The following DPYS variants were observed in gnomAD, a reference collection of about 807,000 sequenced individuals.
DPYS encodes dihydropyrimidinase.
Under a neutral mutation model 50.3 loss-of-function variants are expected in DPYS, and 39 were observed. The observed-to-expected ratio is 0.78, with a 90% CI of 0.60 to 1.01. The LOEUF is 1.01. DPYS is among the 50% of genes least tolerant of loss of function. The probability of loss-of-function intolerance (pLI) is 0.00; values close to 1 mark genes in which losing one functional copy is unlikely to be tolerated. For missense variants in DPYS, 659 were observed against 680.9 expected, an observed-to-expected ratio of 0.97 and a Z score of 0.36; for synonymous variants, 245 against 250.7, an observed-to-expected ratio of 0.98 and a Z score of 0.22.
intron 7 of DPYS, chr8:104,419,806 A>C: frequency 6.6e-6 from 1 of 152,238 alleles, no homozygotes; most frequent in Non-Finnish European, 1.5e-5. Context: ...CATGACCACT[A>C]AATGTAATAT....
chr8:104,384,860 C>T (rs145598054), intron 8 of DPYS, among the ~76,000 whole-genome samples: 118 of 152,330 alleles, frequency 7.7e-4, no homozygotes, highest in African/African-American at 2.7e-3. Context: ...TTTCTTTTCT[C>T]GCCTTCTGGG....
At chr8:104,387,397 G>A (rs1316214895) in intron 8 of DPYS, among the ~76,000 whole-genome samples, 2 of 152,208 alleles carry the variant, frequency 1.3e-5, no homozygotes. Context: ...AAGCTGGGCT[G>A]TCTCATTTCA....
chr8:104,416,423 C>A (rs1192875776), intron 7 of DPYS, among the ~76,000 whole-genome samples: 1 of 152,172 alleles, frequency 6.6e-6, no homozygotes, highest in Non-Finnish European at 1.5e-5. Context: ...CATGGTACAG[C>A]CCTGATATTG....
At chr8:104,458,432 C>T (rs191419307) in intron 1 of DPYS, among the ~76,000 whole-genome samples, 1 of 152,274 alleles carries the variant, frequency 6.6e-6, no homozygotes, top group African/African-American at 2.4e-5. Flanking sequence ...CATGTTCTTC[C>T]CTCCTCTACC....
intron 1 of DPYS, among the ~76,000 whole-genome samples, chr8:104,462,695 A>G (rs1814212557): frequency 6.6e-6 from 1 of 152,226 alleles, no homozygotes; most frequent in Admixed American, 6.5e-5. Flanking sequence ...AAAACTTGCC[A>G]AACTCTTATA....
chr8:104,454,388 A>G, intron 1 of DPYS, among the ~76,000 whole-genome samples: 1 of 152,196 alleles, frequency 6.6e-6, no homozygotes, highest in South Asian at 2.1e-4. Flanking sequence ...CTCCATCTCA[A>G]AACAAACAAA....
intron 3 of DPYS, 22 bp downstream of exon 3, chr8:104,447,302 G>T: frequency 6.2e-7 from 1 of 1,613,734 alleles, no homozygotes; most frequent in Non-Finnish European, 8.5e-7. Flanking sequence ...TTCTGTAGAA[G>T]CTTTGGAATG....
intron 4 of DPYS, among the ~76,000 whole-genome samples, chr8:104,438,631 A>C (rs1301564906): frequency 6.6e-6 from 1 of 152,202 alleles, no homozygotes; most frequent in Non-Finnish European, 1.5e-5. Flanking sequence ...ACCCTGTGAC[A>C]GTTCTAAATT....
intron 7 of DPYS, chr8:104,419,719 C>T (rs1422888111): frequency 6.6e-6 from 1 of 152,162 alleles, no homozygotes; most frequent in African/African-American, 2.4e-5. Context: ...AATACCTGAT[C>T]GATATTCCTC....
chr8:104,435,455 T>C (rs1813106070), intron 4 of DPYS, among the ~76,000 whole-genome samples: 1 of 151,844 alleles, frequency 6.6e-6, no homozygotes, highest in Admixed American at 6.6e-5. Flanking sequence ...TGAGAACTAA[T>C]CTAGTTTTAT....
chr8:104,379,842 AC>A lies in DPYS; in HGVS notation c.*15del. 2.2e-6 allele frequency: 1 copy of A among 456,444 alleles called. No individual in the cohort carries two copies. The highest frequency in any genetic ancestry group is 4.4e-6 in the Non-Finnish European group (1 of 226,936). 28.3% of individuals were successfully genotyped at this position (456,444 alleles called of 1,614,324 possible). ...CAGCCTCCTTTCCTCTGATTTTTTT[AC>A]CTTTGAAGAGAATGAAAGGAACTCA... On this transcript the variant is annotated splice_region_variant and 3_prime_UTR_variant, in exon 10 of 10. Transcript: ENST00000351513.
intron 8 of DPYS, among the ~76,000 whole-genome samples, chr8:104,390,273 C>A (rs917000049): frequency 7.8e-6 from 1 of 127,424 alleles, no homozygotes; most frequent in African/African-American, 4.1e-5. Context: ...GCCATCAGTG[C>A]CTCCAACTTA....
At chr8:104,405,110 C>T (rs1361643347) in intron 7 of DPYS, among the ~76,000 whole-genome samples, 2 of 152,226 alleles carry the variant, frequency 1.3e-5, no homozygotes, top group East Asian at 3.8e-4. Context: ...CTAAAAGTTG[C>T]AGTGGCAGAG....
At chr8:104,399,670 C>A (rs1262812768) in intron 7 of DPYS, among the ~76,000 whole-genome samples, 2 of 151,722 alleles carry the variant, frequency 1.3e-5, no homozygotes, top group Non-Finnish European at 2.9e-5. Flanking sequence ...GAGATTGAGA[C>A]CATCCTGGCT....
chr8:104,387,815 G>A (rs58596729), intron 8 of DPYS, among the ~76,000 whole-genome samples: 53,467 of 152,006 alleles, frequency 0.35, 12,311 homozygotes, highest in African/African-American at 0.65. Flanking sequence ...TGTCCTGTGT[G>A]TAGTGATGTG....
intron 7 of DPYS, among the ~76,000 whole-genome samples, chr8:104,415,199 A>C (rs1421475985): frequency 6.6e-6 from 1 of 152,246 alleles, no homozygotes; most frequent in Non-Finnish European, 1.5e-5. Context: ...AATGTCAAAG[A>C]TATAAAAACA....
At chr8:104,460,475 C>T (rs1359057831) in intron 1 of DPYS, among the ~76,000 whole-genome samples, 1 of 152,194 alleles carries the variant, frequency 6.6e-6, no homozygotes. Flanking sequence ...GCCTCCTGTA[C>T]AGCCTGTGAA....
Position 104,466,630 on chromosome 8 carries a change from GGGGCGGGGGCGCGGCGGGGCGGGTACCTT to G in DPYS, c.262_264+26del. The stretch of plus-strand genomic sequence containing the variant: ...CTGCCCGAGCCTCCGTGGGTACCGC[GGGGCGGGGGCGCGGCGGGGCGGGTACCTT>G]GGTGCCCTGGTGGAAGTCGTCGATG... On this transcript the variant is annotated splice_donor_variant and splice_donor_5th_base_variant and coding_sequence_variant and intron_variant, in exon 1 of 10. Transcript: ENST00000351513. LOFTEE classifies it high-confidence loss of function. 2 of 1,501,016 alleles carry G rather than the reference GGGGCGGGGGCGCGGCGGGGCGGGTACCTT, an allele frequency of 1.3e-6. No homozygotes were observed. The highest frequency in any genetic ancestry group is 1.8e-6 in the Non-Finnish European group (2 of 1,126,444). The allele number at this position is 1,501,016 out of a possible 1,614,324, so 93.0% of individuals were successfully genotyped here.
intron 6 of DPYS, among the ~76,000 whole-genome samples, chr8:104,426,619 A>G (rs1036990983): frequency 6.6e-6 from 1 of 152,232 alleles, no homozygotes; most frequent in Non-Finnish European, 1.5e-5. Flanking sequence ...AGTGTGAGAT[A>G]TAATTAATGT....
Sources: allele counts gnomAD v4.1 joint callset (sites outside exome capture counted in the v4.1 genomes callset), GRCh38; gene constraint gnomAD v4.1.1; transcripts MANE v1.5; gene names NCBI Gene and HGNC (gene_info 2026-07-23, HGNC 2026-07-21).